NFIX: variants seen among roughly 807,000 people sequenced by gnomAD.
The protein encoded by NFIX is nuclear factor 1 X-type.
In NFIX, 2 loss-of-function variants were observed where a neutral mutation model predicts 53.3. That is an observed-to-expected ratio of 0.04 (90% CI 0.02 to 0.12). NFIX has a LOEUF of 0.12. Among genes scored for constraint, NFIX ranks in the 10% least tolerant of loss-of-function variants. The pLI is 1.00. For missense variants in NFIX, 310 were observed against 674.5 expected (o/e 0.46, Z 5.99); for synonymous variants, 244 against 289.0 (o/e 0.84, Z 1.58).
In NFIX at chr19:12,995,886, C is replaced by T. The variant is rs1011615474; in HGVS notation, c.27+22C>T. 274 of 975,720 alleles carry T rather than the reference C, an allele frequency of 2.8e-4. 1 individual carries two copies. In the African/African-American group the frequency reaches 4.8e-3, roughly 17 times the overall value. The allele number at this position is 975,720 out of a possible 1,614,324, so 60.4% of individuals were successfully genotyped here. On this transcript the variant is annotated intron_variant, in intron 1 of 10. Transcript: ENST00000592199. ...CCAGGTACCGGCCGCCGCCCCCGCG[C>T]GACCGGGGGAGGGGAGCGGGCGCGG...
At position 13,024,666 on chromosome 19, in the gene NFIX, G is replaced by A. The variant is rs777153883; in HGVS notation, c.28-355G>A. On this transcript the variant is annotated intron_variant, in intron 1 of 10. Transcript: ENST00000592199. ...TGTCATGGGCGCGACAGAGCCTGGCGGGGATACCAGCAGCGTGTGTGTGTG... is the reference window on the plus strand; with the variant it reads ...TGTCATGGGCGCGACAGAGCCTGGCAGGGATACCAGCAGCGTGTGTGTGTG... 5 of 1,536,350 alleles carry A rather than the reference G, an allele frequency of 3.3e-6. No homozygotes were observed. The Admixed American group carries it at 5.9e-5, about 18-fold the overall frequency.
In NFIX at chr19:13,002,376, C is replaced by A. The variant is rs921121993; in HGVS notation, c.27+6512C>A. On this transcript the variant is annotated intron_variant, in intron 1 of 10. Transcript: ENST00000592199. The surrounding 1 kb of genome is among the most constrained non-coding windows in gnomAD (Gnocchi z 6.1). ...GGAAGAAGGGCTAGCTCCCCAACCC[C>A]CCCTTCCTCACCACCTCCCCCCTCC... is the stretch of plus-strand genomic sequence containing the variant. Among the ~76,000 whole-genome samples the A allele has an allele frequency of 6.6e-6, 1 of 152,092 alleles. No homozygotes were observed. Among genetic ancestry groups the A allele is most frequent in the Non-Finnish European group, 1.5e-5 (1 of 67,988 alleles).
In NFIX at chr19:13,088,360, G is replaced by A. The variant is rs925678653; in HGVS notation, c.1402+224G>A. 6.6e-6 allele frequency among the ~76,000 whole-genome samples: 1 copy of A among 152,046 alleles called. No homozygotes were observed. Among genetic ancestry groups the A allele is most frequent in the Non-Finnish European group, 1.5e-5 (1 of 67,984 alleles). On this transcript the variant is annotated intron_variant, in intron 9 of 10. Transcript: ENST00000592199. This position sits in a 1 kb window ranked among gnomAD's most constrained non-coding sequence, Gnocchi z 5.9. ...AGCCCCCTGCCCGCTGCTCCCAGCC[G>A]GGGCCCCTGGCCCAGGCCCCTCTGG...
intron 1 of NFIX, among the ~76,000 whole-genome samples, chr19:13,008,207 C>T (rs764394337): frequency 4.6e-5 from 7 of 152,156 alleles, no homozygotes; most frequent in African/African-American, 7.2e-5. Context: ...TCTCATGACT[C>T]CAGGGCTTGA....
Position 13,028,640 on chromosome 19 carries a change from GTGTC to G in NFIX, c.559+3096_559+3099del, listed in dbSNP as rs1208737928. 6.6e-6 allele frequency among the ~76,000 whole-genome samples: 1 copy of G among 152,222 alleles called. No homozygotes were observed. Among genetic ancestry groups the G allele is most frequent in the Non-Finnish European group, 1.5e-5 (1 of 68,036 alleles). The stretch of plus-strand genomic sequence containing the variant: ...TCCTGCTGGGAAGGAGTCTGTCTGT[GTGTC>G]TGTCTGTGTTTAGGAAGGGAGGTTG... On this transcript the variant is annotated intron_variant, in intron 2 of 10. Transcript: ENST00000592199. The surrounding 1 kb of genome is among the most constrained non-coding windows in gnomAD (Gnocchi z 4.2).
chr19:13,018,335 CGGGGGGGG>C, intron 1 of NFIX, among the ~76,000 whole-genome samples: 1 of 11,238 alleles, frequency 8.9e-5, no homozygotes, highest in Non-Finnish European at 2.2e-4. Flanking sequence ...AAGGAAGGGG[CGGGGGGGG>C]GGGGGGGGCG....
rs748307306 is a variant in NFIX at position 13,088,033 on chromosome 19, ACCG to A, written c.1308_1310del (p.Pro438del). On this transcript the variant is annotated inframe_deletion, in exon 9 of 11. Transcript: ENST00000592199. This position sits in a 1 kb window ranked among gnomAD's most constrained non-coding sequence, Gnocchi z 5.9. Reference sequence around the variant, plus strand: ...GCAAAGTCCCGGGGTCATTTTTGCTACCGCCGCCGCCTCCAGTGGCCAGACCTG... The same window carrying A: ...GCAAAGTCCCGGGGTCATTTTTGCTACCGCCGCCTCCAGTGGCCAGACCTG... 6.5e-7 allele frequency: 1 copy of A among 1,536,018 alleles called. No homozygotes were observed. Among genetic ancestry groups the A allele is most frequent in the South Asian group, 1.2e-5 (1 of 84,060 alleles).
rs1599892464 is a variant in NFIX at position 13,095,197 on chromosome 19, C to G, written c.*548C>G. On this transcript the variant is annotated 3_prime_UTR_variant, in exon 11 of 11. Transcript: ENST00000592199. ...ACTCCGCCCTTCCCTCCCTCCCTCC[C>G]TCCCTCCCTCTCTGCCAAGGCTCCA... 6.6e-6 allele frequency: 1 copy of G among 151,204 alleles called. No individual in the cohort carries two copies. Among genetic ancestry groups the G allele is most frequent in the East Asian group, 2.0e-4 (1 of 5,098 alleles). The allele number at this position is 151,204 out of a possible 1,614,324, so 9.4% of individuals were successfully genotyped here.
rs1019053023 is a variant in NFIX, at chr19:13,036,982, A to G, written c.559+11430A>G. On this transcript the variant is annotated intron_variant, in intron 2 of 10. Transcript: ENST00000592199. This position sits in a 1 kb window ranked among gnomAD's most constrained non-coding sequence, Gnocchi z 4.7. ...AAAGGCCTTTAAAGGGAGGAGGCAA[A>G]TGGATAGGAAGCTTGAGTTGGGGGT... 6.6e-6 allele frequency among the ~76,000 whole-genome samples: 1 copy of G among 152,102 alleles called. No homozygotes were observed. Among genetic ancestry groups the G allele is most frequent in the Non-Finnish European group, 1.5e-5 (1 of 68,006 alleles).
chr19:12,999,752 T>C (rs1030940151), intron 1 of NFIX, among the ~76,000 whole-genome samples: 6 of 152,196 alleles, frequency 3.9e-5, no homozygotes, highest in African/African-American at 1.2e-4. Flanking sequence ...TGGCTGGGGC[T>C]TCCCTGATGC....
chr19:13,017,738 T>G (rs2012744885), intron 1 of NFIX, among the ~76,000 whole-genome samples: 1 of 152,238 alleles, frequency 6.6e-6, no homozygotes, highest in South Asian at 2.1e-4. Flanking sequence ...TTCCAGATAT[T>G]TTCACAGTGT....
chr19:13,023,551 G>T (rs552682466), intron 1 of NFIX, among the ~76,000 whole-genome samples: 1 of 151,986 alleles, frequency 6.6e-6, no homozygotes, highest in Non-Finnish European at 1.5e-5. Context: ...TGTTTTGCAC[G>T]GGGGTGGGGT....
chr19:13,077,558 C>T (rs557700679), intron 6 of NFIX, among the ~76,000 whole-genome samples: 79 of 152,274 alleles, frequency 5.2e-4, no homozygotes, highest in African/African-American at 1.8e-3. Context: ...CCTCCGCTGG[C>T]GGCTGGGAGT....
chr19:13,074,094 CTA>C (rs1427629640), intron 5 of NFIX, 68 bp downstream of exon 5: 10 of 1,591,230 alleles, frequency 6.3e-6, no homozygotes, highest in South Asian at 2.2e-5. Context: ...GTCCCAGTGG[CTA>C]TAGTCAGCTG....
Position 13,037,447 on chromosome 19 carries a change from C to CT in NFIX, c.559+11895_559+11896insT, listed in dbSNP as rs1221277377. ...GAAGTAATGGCGCTGAGAGATGGCG[C>CT]CTGGGGAAGAAAGAGGAGACAAGGA... On this transcript the variant is annotated intron_variant, in intron 2 of 10. Coordinates refer to ENST00000592199, the MANE Select transcript of NFIX (RefSeq NM_001365902.3). The surrounding 1 kb of genome is among the most constrained non-coding windows in gnomAD (Gnocchi z 4.2). Among the ~76,000 whole-genome samples, 7 of 152,082 alleles carry CT rather than the reference C, an allele frequency of 4.6e-5. No homozygotes were observed. The highest frequency in any genetic ancestry group is 1.7e-4 in the African/African-American group (7 of 41,384).
In NFIX at chr19:13,078,526, G is replaced by C; in HGVS notation, c.956-87G>C. ...GGGCAGTGGGGAGGGGCTGAGGAGAGAAGGAGCGAGCTGCTGGCTTCCCGC... is the reference window on the plus strand; with the variant it reads ...GGGCAGTGGGGAGGGGCTGAGGAGACAAGGAGCGAGCTGCTGGCTTCCCGC... On this transcript the variant is annotated intron_variant, in intron 6 of 10. Coordinates refer to ENST00000592199, the MANE Select transcript of NFIX (RefSeq NM_001365902.3). The surrounding 1 kb of genome is among the most constrained non-coding windows in gnomAD (Gnocchi z 4.7). The C allele has an allele frequency of 6.8e-7, 1 of 1,474,182 alleles. No individual in the cohort carries two copies. Among genetic ancestry groups the C allele is most frequent in the Non-Finnish European group, 9.2e-7 (1 of 1,088,920 alleles). 91.3% of individuals were successfully genotyped at this position (1,474,182 alleles called of 1,614,324 possible). A position where few individuals can be genotyped will look rare whatever the true frequency, so the allele number is the denominator to read the frequency against.
In NFIX at chr19:13,088,667, A is replaced by C; in HGVS notation, c.1402+531A>C. 6.8e-6 allele frequency among the ~76,000 whole-genome samples: 1 copy of C among 146,956 alleles called. No homozygotes were observed. The highest frequency in any genetic ancestry group is 1.5e-5 in the Non-Finnish European group (1 of 66,744). On this transcript the variant is annotated intron_variant, in intron 9 of 10. Transcript: ENST00000592199. The surrounding 1 kb of genome is among the most constrained non-coding windows in gnomAD (Gnocchi z 5.9). The stretch of plus-strand genomic sequence containing the variant: ...CTCAAAGACGCAGCAGGCCAGCCCG[A>C]CCCCTTCCCCCTCAGTCTCACATTT...
intron 1 of NFIX, among the ~76,000 whole-genome samples, chr19:13,019,950 T>C (rs1264516109): frequency 1.3e-5 from 2 of 151,576 alleles, no homozygotes; most frequent in Non-Finnish European, 2.9e-5. Flanking sequence ...CTTTTTTTTT[T>C]CTCTTCCTAT....
In NFIX at chr19:13,060,610, T is replaced by C. The variant is rs1382358; in HGVS notation, c.560-12437T>C. ...AGTCCAGCCCTACATGTGTGACCCT[T>C]GGTGCCTGGCAAGGCGGGGGGGTAG... On this transcript the variant is annotated intron_variant, in intron 2 of 10. Transcript: ENST00000592199. The surrounding 1 kb of genome is among the most constrained non-coding windows in gnomAD (Gnocchi z 4.3). Among the ~76,000 whole-genome samples, 13,237 of 152,274 alleles carry C rather than the reference T, an allele frequency of 0.087. 749 individuals are homozygous for C. Among genetic ancestry groups the C allele is most frequent in the Non-Finnish European group, 0.13 (9,000 of 67,990 alleles).
Sources: allele counts gnomAD v4.1 joint callset (sites outside exome capture counted in the v4.1 genomes callset), GRCh38; gene constraint gnomAD v4.1.1; non-coding constraint Gnocchi (gnomAD v3.1); transcripts MANE v1.5; gene names NCBI Gene and HGNC (gene_info 2026-07-23, HGNC 2026-07-21).